CCNJL: variants seen among roughly 807,000 people sequenced by gnomAD.
The protein encoded by CCNJL is cyclin J like, also known as cyclin-J-like protein.
A neutral mutation model predicts 33.4 loss-of-function variants in CCNJL; 33 were observed. The observed-to-expected ratio is 0.99, with a 90% CI of 0.75 to 1.32. The LOEUF is 1.32. Among genes scored for constraint, CCNJL ranks in the 40% most tolerant of loss-of-function variants. The pLI is 0.00. For missense variants in CCNJL, 512 were observed against 499.7 expected, an observed-to-expected ratio of 1.02 and a Z score of -0.23; for synonymous variants, 227 against 220.9, an observed-to-expected ratio of 1.03 and a Z score of -0.24.
chr5:160,311,866 G>T lies in CCNJL; in HGVS notation c.58C>A (p.Arg20Ser), dbSNP rs1185764505. The change falls in exon 2 of 6, where the codon CGC becomes AGC. Residue 20 changes from arginine to serine, a missense_variant. Coordinates refer to ENST00000257536, the MANE Select transcript of CCNJL (RefSeq NM_001308173.3). Reference sequence around the variant, plus strand: ...GGCAGGGAGGGACTGACCTTCTCGCGCAGGGTGCAGTGGACGTCCGAGGCG... The same window carrying T: ...GGCAGGGAGGGACTGACCTTCTCGCTCAGGGTGCAGTGGACGTCCGAGGCG... ...RVASDVHCTL[R>S]EKELKLPTFR... 1.2e-6 allele frequency: 2 copies of T among 1,613,762 alleles called. No individual in the cohort carries two copies. The highest frequency in any genetic ancestry group is 1.7e-6 in the Non-Finnish European group (2 of 1,179,760).
chr5:160,307,400 C>T (rs1763126515), intron 2 of CCNJL, among the ~76,000 whole-genome samples: 1 of 152,154 alleles, frequency 6.6e-6, no homozygotes, highest in Non-Finnish European at 1.5e-5. Flanking sequence ...GGACAAGGAA[C>T]GTGGCCCTCA....
intron 3 of CCNJL, among the ~76,000 whole-genome samples, chr5:160,273,608 T>C (rs1288576670): frequency 6.6e-6 from 1 of 150,684 alleles, no homozygotes; most frequent in Non-Finnish European, 1.5e-5. Context: ...CACAGCTCTG[T>C]GCGTGTTTGC....
In CCNJL at chr5:160,251,650, G is replaced by C. The variant is rs558456380; in HGVS notation, c.*1728C>G. The stretch of plus-strand genomic sequence containing the variant: ...CCAAGAGGGGATGCCTAGGACAAGA[G>C]GTGAGAGATCAAGAGCAGGTGACGT... On this transcript the variant is annotated 3_prime_UTR_variant, in exon 6 of 6. Transcript: ENST00000257536. The C allele has an allele frequency of 6.6e-6, 1 of 152,406 alleles. No homozygotes were observed. The highest frequency in any genetic ancestry group is 2.1e-4 in the South Asian group (1 of 4,832). 9.4% of individuals were successfully genotyped at this position (152,406 alleles called of 1,614,324 possible).
intron 3 of CCNJL, among the ~76,000 whole-genome samples, chr5:160,269,942 A>C (rs1761764882): frequency 6.6e-6 from 1 of 152,238 alleles, no homozygotes; most frequent in African/African-American, 2.4e-5. Context: ...CTTGCGGAAA[A>C]TACAACTACA....
chr5:160,318,341 C>G (rs954739280), intron 1 of CCNJL, among the ~76,000 whole-genome samples: 1 of 152,184 alleles, frequency 6.6e-6, no homozygotes, highest in African/African-American at 2.4e-5. Flanking sequence ...GGACACCGGT[C>G]ATATTGGACT....
At chr5:160,335,875 C>T (rs1217559951) in intron 1 of CCNJL, among the ~76,000 whole-genome samples, 1 of 151,934 alleles carries the variant, frequency 6.6e-6, no homozygotes, top group Non-Finnish European at 1.5e-5. Context: ...TGAGACACTA[C>T]ACCCAGACCC....
At chr5:160,305,099 C>T (rs1013050234) in intron 2 of CCNJL, among the ~76,000 whole-genome samples, 3 of 152,110 alleles carry the variant, frequency 2.0e-5, no homozygotes, top group Non-Finnish European at 4.4e-5. Flanking sequence ...CAGGCATGAG[C>T]CACCGCGCCT....
chr5:160,263,299 A>G (rs1044000701), intron 3 of CCNJL, among the ~76,000 whole-genome samples: 1 of 152,214 alleles, frequency 6.6e-6, no homozygotes, highest in African/African-American at 2.4e-5. Flanking sequence ...TAAGACATGA[A>G]CATTAATGCA....
intron 2 of CCNJL, among the ~76,000 whole-genome samples, chr5:160,287,173 G>T (rs995089333): frequency 6.6e-6 from 1 of 152,228 alleles, no homozygotes; most frequent in East Asian, 1.9e-4. Context: ...TGGGGGTCAC[G>T]CTGCCGTAAA....
At chr5:160,270,068 T>C (rs1230835715) in intron 3 of CCNJL, among the ~76,000 whole-genome samples, 1 of 151,988 alleles carries the variant, frequency 6.6e-6, no homozygotes, top group Non-Finnish European at 1.5e-5. Flanking sequence ...CCCAGCACTT[T>C]GGGAGGCCGA....
chr5:160,284,276 CAGG>C (rs766534790), intron 2 of CCNJL, among the ~76,000 whole-genome samples: 1 of 152,106 alleles, frequency 6.6e-6, no homozygotes, highest in South Asian at 2.1e-4. Flanking sequence ...CACTTGAGCA[CAGG>C]AGGAGGAGGC....
chr5:160,333,247 C>G (rs925682302), intron 1 of CCNJL, among the ~76,000 whole-genome samples: 1 of 152,004 alleles, frequency 6.6e-6, no homozygotes, highest in African/African-American at 2.4e-5. Context: ...CTCCGCCTCC[C>G]GAGTAGCTAG....
chr5:160,268,885 A>G (rs1761716146), intron 3 of CCNJL, among the ~76,000 whole-genome samples: 1 of 152,212 alleles, frequency 6.6e-6, no homozygotes, highest in South Asian at 2.1e-4. Context: ...CAGGAAATCA[A>G]GAAAAAGCTC....
chr5:160,266,847 T>C (rs1761617328), intron 3 of CCNJL, among the ~76,000 whole-genome samples: 1 of 152,154 alleles, frequency 6.6e-6, no homozygotes, highest in African/African-American at 2.4e-5. Flanking sequence ...TGTGCTGGAA[T>C]GCATGGAGTG....
intron 1 of CCNJL, among the ~76,000 whole-genome samples, chr5:160,321,525 C>T (rs1763464547): frequency 6.6e-6 from 1 of 152,194 alleles, no homozygotes; most frequent in Non-Finnish European, 1.5e-5. Context: ...GGATTACGGT[C>T]GCAGCCGCTC....
intron 2 of CCNJL, among the ~76,000 whole-genome samples, chr5:160,308,520 G>A (rs1763163195): frequency 6.6e-6 from 1 of 152,238 alleles, no homozygotes; most frequent in South Asian, 2.1e-4. Context: ...GACTTTGGGA[G>A]GCCGAGGCTG....
rs1195834179 is a variant in CCNJL at position 160,312,512 on chromosome 5, C to T, written c.-198G>A. 6.6e-6 allele frequency: 1 copy of T among 151,764 alleles called. No individual in the cohort carries two copies. The highest frequency in any genetic ancestry group is 1.9e-4 in the East Asian group (1 of 5,162). 9.4% of individuals were successfully genotyped at this position (151,764 alleles called of 1,614,324 possible). On this transcript the variant is annotated 5_prime_UTR_variant, in exon 1 of 6. Coordinates refer to ENST00000257536, the MANE Select transcript of CCNJL (RefSeq NM_001308173.3). ...GCCTCCGCAGCCCGACTAGCCCCCG[C>T]CGTCGCCGCGCCCCTGCGTGCGCTC...
intron 2 of CCNJL, among the ~76,000 whole-genome samples, chr5:160,299,836 A>ATT (rs5872638): frequency 1.4e-5 from 2 of 144,474 alleles, no homozygotes; most frequent in Non-Finnish European, 3.1e-5. Context: ...AATTGCTTGG[A>ATT]TTTTTTTTTT....
chr5:160,249,703 C>A lies in CCNJL; in HGVS notation c.*3675G>T, dbSNP rs1030495602. On this transcript the variant is annotated 3_prime_UTR_variant, in exon 6 of 6. Transcript: ENST00000257536. The stretch of plus-strand genomic sequence containing the variant: ...ACTTGAGCCCAGAAGGTTGAAGCTG[C>A]AGTGAGCCGTGACTGTGCCACTGCA... 5.9e-5 allele frequency: 9 copies of A among 151,862 alleles called. No individual in the cohort carries two copies. Among genetic ancestry groups the A allele is most frequent in the African/African-American group, 2.2e-4 (9 of 41,306 alleles). 9.4% of individuals were successfully genotyped at this position (151,862 alleles called of 1,614,324 possible). A position where few individuals can be genotyped will look rare whatever the true frequency, so the allele number is the denominator to read the frequency against.
Sources: gnomAD v4.1 joint callset for allele counts (sites outside exome capture counted in the v4.1 genomes callset) on GRCh38, gnomAD v4.1.1 for gene constraint, MANE v1.5 for transcripts, NCBI Gene and HGNC (gene_info 2026-07-23, HGNC 2026-07-21) for gene names.